PDE7B: variants seen among roughly 807,000 people sequenced by gnomAD.
PDE7B encodes 3',5'-cyclic-AMP phosphodiesterase 7B.
Under a neutral mutation model 56.2 loss-of-function variants are expected in PDE7B, and 29 were observed. The ratio of observed to expected loss-of-function variants is 0.52; its 90% CI spans 0.38 to 0.70. PDE7B has a LOEUF of 0.70. Among genes scored for constraint, PDE7B ranks in the 30% least tolerant of loss-of-function variants. The pLI, the probability that PDE7B is intolerant of heterozygous loss-of-function variation, is 0.00. For missense variants in PDE7B, 490 were observed against 565.0 expected, an observed-to-expected ratio of 0.87 and a Z score of 1.35; for synonymous variants, 197 against 196.9, an observed-to-expected ratio of 1.00 and a Z score of 0.00.
intron 7 of PDE7B, 78 bp downstream of exon 7, chr6:136,154,253 A>G: frequency 2.6e-6 from 2 of 775,034 alleles, no homozygotes; most frequent in South Asian, 3.0e-5. Context: ...GTTACCCAAC[A>G]TATCTGAGTA....
At chr6:136,189,621 T>C (rs962689405) in intron 12 of PDE7B, among the ~76,000 whole-genome samples, 3 of 152,030 alleles carry the variant, frequency 2.0e-5, no homozygotes, top group Admixed American at 6.6e-5. Context: ...CAAATGAAGC[T>C]CTAATTGGTG....
chr6:136,184,745 C>G (rs987706560), intron 11 of PDE7B, among the ~76,000 whole-genome samples: 1 of 152,154 alleles, frequency 6.6e-6, no homozygotes, highest in African/African-American at 2.4e-5. Context: ...GCAATATATA[C>G]AGTTGAAGTG....
chr6:135,979,142 T>C (rs1450417208), intron 2 of PDE7B, among the ~76,000 whole-genome samples: 1 of 151,944 alleles, frequency 6.6e-6, no homozygotes, highest in Non-Finnish European at 1.5e-5. Flanking sequence ...AATCATGTGG[T>C]TTTTGTCTTT....
chr6:135,856,779 A>G (rs959093812), intron 1 of PDE7B, among the ~76,000 whole-genome samples: 2 of 152,204 alleles, frequency 1.3e-5, no homozygotes, highest in Admixed American at 6.5e-5. Flanking sequence ...TCTATTAAGC[A>G]ATATATAATT....
intron 1 of PDE7B, among the ~76,000 whole-genome samples, chr6:135,891,168 A>G (rs1431883852): frequency 1.3e-5 from 2 of 152,222 alleles, no homozygotes; most frequent in East Asian, 1.9e-4. Context: ...ATACTTTAAT[A>G]TTTCTGACAA....
At chr6:136,028,624 G>T (rs1776190615) in intron 2 of PDE7B, among the ~76,000 whole-genome samples, 1 of 152,096 alleles carries the variant, frequency 6.6e-6, no homozygotes, top group East Asian at 1.9e-4. Context: ...CTTGGCCCAA[G>T]GCCCCTTTCC....
At chr6:136,120,004 T>C (rs1215339063) in intron 3 of PDE7B, among the ~76,000 whole-genome samples, 1 of 152,128 alleles carries the variant, frequency 6.6e-6, no homozygotes, top group African/African-American at 2.4e-5. Flanking sequence ...GTCCTCTGAT[T>C]CCTCCGGGCT....
intron 2 of PDE7B, among the ~76,000 whole-genome samples, chr6:135,971,435 G>A (rs190606586): frequency 6.6e-6 from 1 of 152,286 alleles, no homozygotes; most frequent in Admixed American, 6.5e-5. Flanking sequence ...ATAGTAGCGG[G>A]AAAGAGAGAT....
At chr6:135,918,715 T>G (rs1774005547) in intron 1 of PDE7B, among the ~76,000 whole-genome samples, 1 of 152,216 alleles carries the variant, frequency 6.6e-6, no homozygotes, top group Non-Finnish European at 1.5e-5. Flanking sequence ...ATAGCTCCTG[T>G]GGGTGACTTA....
At chr6:135,918,672 AT>A (rs1774005078) in intron 1 of PDE7B, among the ~76,000 whole-genome samples, 2 of 152,180 alleles carry the variant, frequency 1.3e-5, no homozygotes, top group African/African-American at 4.8e-5. Context: ...TTTCAATTTT[AT>A]TTAAAGCAAG....
chr6:135,929,049 C>T (rs1774250356), intron 1 of PDE7B, among the ~76,000 whole-genome samples: 1 of 152,138 alleles, frequency 6.6e-6, no homozygotes, highest in South Asian at 2.1e-4. Flanking sequence ...CCTAATAACA[C>T]TCAATGCAAT....
At chr6:136,037,085 G>A (rs1366636830) in intron 2 of PDE7B, among the ~76,000 whole-genome samples, 5 of 152,178 alleles carry the variant, frequency 3.3e-5, no homozygotes, top group East Asian at 1.9e-4. Context: ...CTCTCAGGTC[G>A]GGGACACAGT....
chr6:136,012,072 C>T (rs529001735), intron 2 of PDE7B, among the ~76,000 whole-genome samples: 1 of 152,248 alleles, frequency 6.6e-6, no homozygotes, highest in East Asian at 1.9e-4. Flanking sequence ...CCTTTAACTT[C>T]CTTGTTCTAC....
At chr6:136,100,570 T>C (rs185765008) in intron 2 of PDE7B, among the ~76,000 whole-genome samples, 2 of 152,334 alleles carry the variant, frequency 1.3e-5, no homozygotes, top group Admixed American at 6.5e-5. Context: ...GTTCTCTGTT[T>C]GTCTGTTAGT....
intron 1 of PDE7B, among the ~76,000 whole-genome samples, chr6:135,881,222 G>T (rs1302598757): frequency 6.6e-6 from 1 of 152,052 alleles, no homozygotes; most frequent in East Asian, 1.9e-4. Flanking sequence ...AAGGGGCCAG[G>T]CACGGTGGCT....
At chr6:135,970,163 A>G (rs183950371) in intron 2 of PDE7B, among the ~76,000 whole-genome samples, 7 of 152,306 alleles carry the variant, frequency 4.6e-5, no homozygotes, top group Non-Finnish European at 8.8e-5. Context: ...TAAAGTTTAC[A>G]CTTCATTGGT....
chr6:136,092,812 C>T (rs184367258), intron 2 of PDE7B, among the ~76,000 whole-genome samples: 2 of 152,200 alleles, frequency 1.3e-5, no homozygotes, highest in South Asian at 2.1e-4. Context: ...AGATGTTGCT[C>T]AAGGGGTACA....
chr6:135,985,438 G>C (rs953470668), intron 2 of PDE7B, among the ~76,000 whole-genome samples: 2 of 152,158 alleles, frequency 1.3e-5, no homozygotes, highest in Non-Finnish European at 2.9e-5. Context: ...TTCTACATGA[G>C]TAGAATAATG....
chr6:136,005,084 A>T (rs967019228), intron 2 of PDE7B, among the ~76,000 whole-genome samples: 39 of 152,336 alleles, frequency 2.6e-4, no homozygotes, highest in African/African-American at 9.4e-4. Flanking sequence ...GACAAACCTG[A>T]GAAAAACAAG....
Sources: allele counts gnomAD v4.1 joint callset (sites outside exome capture counted in the v4.1 genomes callset), GRCh38; gene constraint gnomAD v4.1.1; transcripts MANE v1.5; gene names NCBI Gene and HGNC (gene_info 2026-07-23, HGNC 2026-07-21).